The following EXTL3 variants were observed in gnomAD, a reference collection of about 807,000 sequenced individuals.
EXTL3 encodes exostosin-like 3.
Under a neutral mutation model 69.3 loss-of-function variants are expected in EXTL3, and 27 were observed. That is an observed-to-expected ratio of 0.39 (90% CI 0.29 to 0.54). The LOEUF (loss-of-function observed/expected upper bound fraction) is 0.54. Ranked by LOEUF, EXTL3 falls within the 20% of genes least tolerant of loss-of-function variation. EXTL3 has a pLI of 0.69. For synonymous variants in EXTL3, 511 were observed against 499.4 expected (o/e 1.02, Z -0.31); for missense variants, 1,003 against 1,231.8 (o/e 0.81, Z 2.78).
intron 6 of EXTL3, among the ~76,000 whole-genome samples, chr8:28,744,460 G>C (rs35497720): frequency 0.3 from 45,078 of 151,708 alleles, 6,833 homozygotes; most frequent in African/African-American, 0.37. Flanking sequence ...GAGTTCGTGA[G>C]CAGCCTGGCC....
At chr8:28,684,277 C>CT (rs1807541804) in intron 1 of EXTL3, among the ~76,000 whole-genome samples, 2 of 152,182 alleles carry the variant, frequency 1.3e-5, no homozygotes, top group South Asian at 2.1e-4. Context: ...GATTTTCTTT[C>CT]TTTTGAGTAT....
chr8:28,700,422 A>G (rs192519719), upstream of EXTL3: 1 of 152,320 alleles, frequency 6.6e-6, no homozygotes, highest in Admixed American at 6.5e-5. Context: ...CCCCGTGGGC[A>G]TCAGTCTTCA....
intron 1 of EXTL3, among the ~76,000 whole-genome samples, chr8:28,709,583 G>T (rs1202555325): frequency 6.6e-6 from 1 of 151,872 alleles, no homozygotes; most frequent in African/African-American, 2.4e-5. Context: ...ATAATTTTCT[G>T]CATATAAAAA....
intron 1 of EXTL3, among the ~76,000 whole-genome samples, chr8:28,679,057 G>A (rs890791641): frequency 1.3e-5 from 2 of 152,214 alleles, no homozygotes; most frequent in East Asian, 1.9e-4. Flanking sequence ...AGAAGGTTCT[G>A]TAAAGACACA....
At chr8:28,682,360 G>A (rs1407697518) in intron 1 of EXTL3, among the ~76,000 whole-genome samples, 5 of 152,108 alleles carry the variant, frequency 3.3e-5, no homozygotes, top group Admixed American at 6.5e-5. Flanking sequence ...CTTATCAGAT[G>A]TATGGTTTGC....
chr8:28,747,869 C>T (rs1347049316), intron 6 of EXTL3, among the ~76,000 whole-genome samples: 1 of 151,934 alleles, frequency 6.6e-6, no homozygotes, highest in South Asian at 2.1e-4. Flanking sequence ...GCTGGGATTA[C>T]AGGCATGTGT....
intron 6 of EXTL3, among the ~76,000 whole-genome samples, chr8:28,749,144 A>G (rs77487773): frequency 2.6e-5 from 4 of 152,332 alleles, no homozygotes; most frequent in Non-Finnish European, 5.9e-5. Flanking sequence ...TGTAAAGTCA[A>G]CAGTCAGCCA....
rs375323919 is a variant in EXTL3, at chr8:28,714,912, C to A, written c.-475-673C>A. Among the ~76,000 whole-genome samples, 21 of 152,300 alleles carry A rather than the reference C, an allele frequency of 1.4e-4. No individual in the cohort carries two copies. In the South Asian group the frequency reaches 4.1e-3, roughly 30 times the overall value. On this transcript the variant is annotated intron_variant, in intron 2 of 6. Coordinates refer to ENST00000220562, the MANE Select transcript of EXTL3 (RefSeq NM_001440.4). ...CAAATCTGTCAGCAAAGAAGGAGAA[C>A]GAATGCCTCTCATTTCTAAGTATAG...
intron 3 of EXTL3, among the ~76,000 whole-genome samples, chr8:28,722,774 TA>T (rs397711641): frequency 0.22 from 21,865 of 97,564 alleles, 1,938 homozygotes; most frequent in Middle Eastern, 0.36. Flanking sequence ...ACCCTGTCTC[TA>T]AAAAAAAAAA....
intron 1 of EXTL3, among the ~76,000 whole-genome samples, chr8:28,635,119 AT>A (rs1182066659): frequency 2.6e-5 from 4 of 152,166 alleles, no homozygotes; most frequent in Non-Finnish European, 5.9e-5. Flanking sequence ...AGAACTAGAA[AT>A]TCCTCAATAA....
chr8:28,727,935 T>G (rs2237813), intron 3 of EXTL3, among the ~76,000 whole-genome samples: 3 of 152,072 alleles, frequency 2.0e-5, no homozygotes, highest in Non-Finnish European at 4.4e-5. Context: ...CTAATTGTGC[T>G]GTAGATAATC....
intron 2 of EXTL3, among the ~76,000 whole-genome samples, chr8:28,613,999 T>C (rs890362770): frequency 2.6e-5 from 4 of 151,922 alleles, no homozygotes; most frequent in African/African-American, 7.3e-5. Flanking sequence ...ACTTTTTTTA[T>C]GTTTTTGTAG....
chr8:28,657,286 T>C (rs974616209), intron 1 of EXTL3, among the ~76,000 whole-genome samples: 1 of 152,168 alleles, frequency 6.6e-6, no homozygotes, highest in Non-Finnish European at 1.5e-5. Context: ...GTGGTTTGAA[T>C]TGCTGGATAG....
At chr8:28,683,274 T>C (rs993482172) in intron 1 of EXTL3, among the ~76,000 whole-genome samples, 4 of 151,928 alleles carry the variant, frequency 2.6e-5, no homozygotes, top group African/African-American at 9.7e-5. Context: ...ATTTTTTCTA[T>C]TTTTATGAAA....
In EXTL3 at chr8:28,681,389, G is replaced by A. The variant is rs79823704; in HGVS notation, c.-52-32068G>A. On this transcript the variant is annotated intron_variant, in intron 1 of 6. Coordinates refer to the EXTL3 transcript ENST00000523149. ...AAAAATTAGCTGGGCATGGTGGCACGTGTCTGTAATTCCAGCTATTCAGGT... is the reference window on the plus strand; with the variant it reads ...AAAAATTAGCTGGGCATGGTGGCACATGTCTGTAATTCCAGCTATTCAGGT... Among the ~76,000 whole-genome samples the A allele has an allele frequency of 1.1e-4, 16 of 151,390 alleles. No homozygotes were observed. The East Asian group carries it at 1.8e-3, about 17-fold the overall frequency.
At position 28,717,764 on chromosome 8, in the gene EXTL3, G is replaced by A. The variant is rs1801195849; in HGVS notation, c.1705G>A (p.Asp569Asn). 3 of 1,613,942 alleles carry A rather than the reference G, an allele frequency of 1.9e-6. No homozygotes were observed. The South Asian group carries it at 3.3e-5, about 18-fold the overall frequency. ...GGCTGGAACTGACCCCAACATGGCT[G>A]ACAACGGGGACCTGGACCTGGGGCC... ...KAAGTDPNMA[D>N]NGDLDLGPVE... The change falls in exon 3 of 7, where the codon GAC becomes AAC. Residue 569 changes from aspartate to asparagine, a missense_variant. Around this residue, in one of 2 missense-constraint regions of EXTL3, gnomAD observed 742 missense variants for 815.4 expected, o/e 0.91. Transcript: ENST00000220562. The surrounding 1 kb of genome is among the most constrained non-coding windows in gnomAD (Gnocchi z 8.3).
intron 3 of EXTL3, among the ~76,000 whole-genome samples, chr8:28,723,638 C>CTT (rs1246416598): frequency 2.4e-5 from 3 of 124,716 alleles, no homozygotes; most frequent in East Asian, 2.4e-4. Context: ...GGGCTCAGGA[C>CTT]TGTTTTTTTT....
At chr8:28,683,680 C>G (rs910049410) in intron 1 of EXTL3, among the ~76,000 whole-genome samples, 8 of 151,946 alleles carry the variant, frequency 5.3e-5, no homozygotes, top group African/African-American at 1.5e-4. Flanking sequence ...CGTAGTGGCA[C>G]GCGCCTGTAG....
intron 1 of EXTL3, among the ~76,000 whole-genome samples, chr8:28,666,158 A>G (rs164661): frequency 0.1 from 15,495 of 152,184 alleles, 994 homozygotes; most frequent in Admixed American, 0.16. Flanking sequence ...CATCATTTCA[A>G]TGGGTCCTTG....
Sources: allele counts gnomAD v4.1 joint callset (sites outside exome capture counted in the v4.1 genomes callset), GRCh38; gene constraint gnomAD v4.1.1; regional missense constraint gnomAD v4.1.1; non-coding constraint Gnocchi (gnomAD v3.1); transcripts MANE v1.5; gene names NCBI Gene and HGNC (gene_info 2026-07-23, HGNC 2026-07-21).